The following RYR1 variants were observed in gnomAD, a reference collection of about 807,000 sequenced individuals.
RYR1 encodes the protein central core disease of muscle.
Under a neutral mutation model 583.5 loss-of-function variants are expected in RYR1, and 342 were observed. The observed-to-expected ratio is 0.59, with a 90% CI of 0.54 to 0.64. The LOEUF (loss-of-function observed/expected upper bound fraction) is 0.64. Among genes scored for constraint, RYR1 ranks in the 30% least tolerant of loss-of-function variants. The pLI is 0.00. For synonymous variants in RYR1, 2,791 were observed against 2,822.5 expected (o/e 0.99, Z 0.35); for missense variants, 6,032 against 6,917.2 (o/e 0.87, Z 4.54).
In RYR1 at chr19:38,565,540, C is replaced by G. The variant is rs1244865294; in HGVS notation, c.13206C>G (p.Asp4402Glu). Residue 4402 changes from aspartate (D) to glutamate (E), a missense_variant, in exon 91 of 106, where the codon GAC (aspartate) becomes GAG (glutamate). Asp to Glu is a conservative substitution (Grantham distance 45). This residue lies in a region of RYR1 where 753 missense variants were observed against 759.6 expected (regional missense o/e 0.99). Coordinates refer to ENST00000359596, the MANE Select transcript of RYR1 (RefSeq NM_000540.3). This position sits in a 1 kb window ranked among gnomAD's most constrained non-coding sequence, Gnocchi z 4.7. ...HGEQPAGPGGDADGEGASEGA... is the reference protein window; with the variant it reads ...HGEQPAGPGGEADGEGASEGA... ...AGCAGCCGGCCGGGCCGGGCGGAGA[C>G]GCAGACGGCGAGGGTGCCAGCGAGG... is the stretch of plus-strand genomic sequence containing the variant. 1 of 1,500,570 alleles carries G rather than the reference C, an allele frequency of 6.7e-7. No individual in the cohort carries two copies. Among genetic ancestry groups the G allele is most frequent in the Non-Finnish European group, 8.8e-7 (1 of 1,132,172 alleles). 93.0% of individuals were successfully genotyped at this position (1,500,570 alleles called of 1,614,324 possible). A position where few individuals can be genotyped will look rare whatever the true frequency, so the allele number is the denominator to read the frequency against.
At chr19:38,482,944 A>G (rs1969085510) in intron 31 of RYR1, 83 bp from the exon 32 acceptor site, 1 of 1,212,122 alleles carries the variant, frequency 8.2e-7, no homozygotes, top group African/African-American at 1.5e-5. Flanking sequence ...GGACCTACAA[A>G]TTGGCCCCAG....
chr19:38,564,598 A>G (rs1032613793), intron 90 of RYR1, among the ~76,000 whole-genome samples: 5 of 151,392 alleles, frequency 3.3e-5, no homozygotes, highest in Non-Finnish European at 7.4e-5. Flanking sequence ...GCTCATGGCA[A>G]CCTCCGCCTC....
rs756799924 is a variant in RYR1, at chr19:38,440,906, G to T, written c.165+42G>T. The T allele has an allele frequency of 1.4e-5, 23 of 1,594,278 alleles. No individual in the cohort carries two copies. In the South Asian group the frequency reaches 2.6e-4, roughly 18 times the overall value. On this transcript the variant is annotated intron_variant, in intron 2 of 105. Transcript: ENST00000359596. ...GAGGGGCCTGGGGACAGGGGCGTCT[G>T]AAGGGGCAGAGAATCTTGGGTCCAA...
intron 84 of RYR1, 53 bp downstream of exon 84, chr19:38,538,013 G>C (rs527944245): frequency 6.4e-7 from 1 of 1,562,846 alleles, no homozygotes; most frequent in East Asian, 2.2e-5. Flanking sequence ...GGGCTGGTAC[G>C]GAAGGGTTGA....
chr19:38,545,073 A>G (rs1972365372), intron 87 of RYR1, among the ~76,000 whole-genome samples: 1 of 151,994 alleles, frequency 6.6e-6, no homozygotes, highest in African/African-American at 2.4e-5. Flanking sequence ...GAAAGCTCCA[A>G]GAAAAAAAAA....
intron 101 of RYR1, among the ~76,000 whole-genome samples, chr19:38,581,508 C>T (rs372746875): frequency 1.1e-3 from 160 of 152,214 alleles, no homozygotes; most frequent in African/African-American, 3.7e-3. Flanking sequence ...AGCCGCCGCA[C>T]CTGGCCATGT....
In RYR1 at chr19:38,477,881, T is replaced by TGGGGGGGGG. The variant is rs2145503306; in HGVS notation, c.4454+17_4454+18insGGGGGGGGG. 2.3e-6 allele frequency: 1 copy of TGGGGGGGGG among 436,594 alleles called. No homozygotes were observed. The highest frequency in any genetic ancestry group is 3.7e-6 in the Non-Finnish European group (1 of 268,418). 27.0% of individuals were successfully genotyped at this position (436,594 alleles called of 1,614,324 possible). A position where few individuals can be genotyped will look rare whatever the true frequency, so the allele number is the denominator to read the frequency against. On this transcript the variant is annotated intron_variant, in intron 30 of 105. Transcript: ENST00000359596. ...CAACGTCCACAGCAGGTGCCGGGGCTGGGGGGAGGTGGGAGGTGCAGGGTG... is the reference window on the plus strand; with the variant it reads ...CAACGTCCACAGCAGGTGCCGGGGCTGGGGGGGGGGGGGGGAGGTGGGAGGTGCAGGGTG...
chr19:38,496,208 T>G lies in RYR1; in HGVS notation c.6549-7T>G. 3.7e-6 allele frequency: 6 copies of G among 1,612,870 alleles called. No homozygotes were observed. The highest frequency in any genetic ancestry group is 5.1e-6 in the Non-Finnish European group (6 of 1,179,678). On this transcript the variant is annotated splice_polypyrimidine_tract_variant and splice_region_variant and intron_variant, in intron 39 of 105. Coordinates refer to ENST00000359596, the MANE Select transcript of RYR1 (RefSeq NM_000540.3). The surrounding 1 kb of genome is among the most constrained non-coding windows in gnomAD (Gnocchi z 4.8). ...CTGGTGACCCCGCACACTCTGCCCGTGCACAGGAACATCATGAACAACAAA... is the reference window on the plus strand; with the variant it reads ...CTGGTGACCCCGCACACTCTGCCCGGGCACAGGAACATCATGAACAACAAA...
In RYR1 at chr19:38,452,907, C is replaced by A. The variant is rs1967155823; in HGVS notation, c.1333C>A (p.Gln445Lys). 6.2e-7 allele frequency: 1 copy of A among 1,613,560 alleles called. No individual in the cohort carries two copies. Among genetic ancestry groups the A allele is most frequent in the Non-Finnish European group, 8.5e-7 (1 of 1,179,770 alleles). ...LPIEGVILSL[Q>K]DLIIYFEPPS... ...CATCGAGGGCGTTATCCTGAGCCTG[C>A]AGGACCTCATCATCTACTTCGAGCC... is the stretch of plus-strand genomic sequence containing the variant. The change falls in exon 13 of 106, where the codon CAG becomes AAG. Residue 445 changes from glutamine (Q) to lysine (K), a missense_variant. Physicochemically the swap from Gln to Lys is moderately conservative, Grantham distance 53. This residue lies in a region of RYR1 where 2,627 missense variants were observed against 2,961.3 expected (regional missense o/e 0.89). Transcript: ENST00000359596.
Position 38,453,141 on chromosome 19 carries a change from C to T in RYR1, c.1440+127C>T, listed in dbSNP as rs1184291886. On this transcript the variant is annotated intron_variant, in intron 13 of 105. Coordinates refer to ENST00000359596, the MANE Select transcript of RYR1 (RefSeq NM_000540.3). ...GGGGAAGTAGGGTCTGAGAAGGGGG[C>T]GGGGCAGGAGAAGGAGCCGGACAGG... is the stretch of plus-strand genomic sequence containing the variant. 17 of 688,594 alleles carry T rather than the reference C, an allele frequency of 2.5e-5. No individual in the cohort carries two copies. In the African/African-American group the frequency reaches 3.0e-4, roughly 12 times the overall value. The allele number at this position is 688,594 out of a possible 1,614,324, so 42.7% of individuals were successfully genotyped here.
rs558190898 is a variant in RYR1 at position 38,466,395 on chromosome 19, C to T, written c.3175C>T (p.Pro1059Ser). 9 of 1,545,608 alleles carry T rather than the reference C, an allele frequency of 5.8e-6. No individual in the cohort carries two copies. In the South Asian group the frequency reaches 9.5e-5, roughly 16 times the overall value. ...CAACATCGAGCCTCCTGACCAGGAG[C>T]CCAGTGAGTGCTCACCCCTGGCCCT... is the stretch of plus-strand genomic sequence containing the variant. ...GYNIEPPDQE[P>S]SQVENQSRCD... Residue 1059 changes from proline (P) to serine (S), a missense_variant, in exon 24 of 106, where the codon CCC becomes TCC. This residue lies in a region of RYR1 where 2,627 missense variants were observed against 2,961.3 expected (regional missense o/e 0.89). Transcript: ENST00000359596.
At chr19:38,485,140 A>AG (rs1048356869) in intron 33 of RYR1, among the ~76,000 whole-genome samples, 1 of 152,184 alleles carries the variant, frequency 6.6e-6, no homozygotes, top group African/African-American at 2.4e-5. Flanking sequence ...GACCTGCCAG[A>AG]GGGGGACCCA....
chr19:38,497,455 G>T (rs12373548), intron 42 of RYR1, among the ~76,000 whole-genome samples: 6,031 of 152,290 alleles, frequency 0.04, 389 homozygotes, highest in African/African-American at 0.13. Flanking sequence ...TGGCTGTGTG[G>T]CCTTGGATAA....
chr19:38,564,991 C>G lies in RYR1; in HGVS notation c.12657C>G (p.Asp4219Glu). 6.3e-7 allele frequency: 1 copy of G among 1,592,088 alleles called. No homozygotes were observed. The highest frequency in any genetic ancestry group is 8.5e-7 in the Non-Finnish European group (1 of 1,170,074). ...VKESKRQFIF[D>E]VVNEGGEAEK... ...AGTCCAAGCGCCAGTTCATCTTCGA[C>G]GTGGTGAACGAGGGCGGCGAGGCTG... is the stretch of plus-strand genomic sequence containing the variant. The change falls in exon 91 of 106, where the codon GAC becomes GAG. Residue 4219 changes from aspartate to glutamate, a missense_variant. Physicochemically the swap from Asp to Glu is conservative, Grantham distance 45. Around this residue, in one of 11 missense-constraint regions of RYR1, gnomAD observed 753 missense variants for 759.6 expected, o/e 0.99. Transcript: ENST00000359596.
At chr19:38,448,014 C>G (rs1966883242) in intron 9 of RYR1, among the ~76,000 whole-genome samples, 1 of 151,688 alleles carries the variant, frequency 6.6e-6, no homozygotes, top group Non-Finnish European at 1.5e-5. Flanking sequence ...TTTGGGAAGC[C>G]CTGAGGAAGC....
At chr19:38,493,875 G>A (rs1019461112) in intron 38 of RYR1, among the ~76,000 whole-genome samples, 4 of 152,160 alleles carry the variant, frequency 2.6e-5, no homozygotes, top group Non-Finnish European at 5.9e-5. Context: ...CTTCAAAGGT[G>A]CATGGCGAAG....
At chr19:38,511,702 AC>A in intron 61 of RYR1, 92 bp downstream of exon 61, 1 of 1,456,952 alleles carries the variant, frequency 6.9e-7, no homozygotes, top group South Asian at 1.1e-5. Context: ...AATTTGAACA[AC>A]CTTTGTTGTT....
At position 38,502,940 on chromosome 19, in the gene RYR1, C is replaced by A. The variant is rs201090618; in HGVS notation, c.7896C>A (p.Ile2632=). 2.8e-5 allele frequency: 45 copies of A among 1,611,018 alleles called. No homozygotes were observed. Among genetic ancestry groups the A allele is most frequent in the Non-Finnish European group, 3.7e-5 (44 of 1,179,982 alleles). ...LLRRLVFDVP[I]LNEFAKMPLK... is the part of the protein sequence containing the mutation. ...GCCGCCTGGTGTTCGACGTGCCCAT[C>A]CTCAACGAGTTCGCCAAGATGCCAC... The change falls in exon 49 of 106, where the codon ATC becomes ATA. Residue 2632 remains isoleucine (I), a synonymous_variant. Transcript: ENST00000359596.
intron 27 of RYR1, among the ~76,000 whole-genome samples, chr19:38,471,356 C>G (rs1968409233): frequency 2.0e-5 from 3 of 152,086 alleles, no homozygotes; most frequent in Admixed American, 1.3e-4. Flanking sequence ...TAGCAAAACC[C>G]TGTCTCTACA....
Sources: allele counts gnomAD v4.1 joint callset (sites outside exome capture counted in the v4.1 genomes callset), GRCh38; gene constraint gnomAD v4.1.1; regional missense constraint gnomAD v4.1.1; non-coding constraint Gnocchi (gnomAD v3.1); transcripts MANE v1.5; gene names NCBI Gene and HGNC (gene_info 2026-07-23, HGNC 2026-07-21).